Variants in ARHGAP6 observed in about 807,000 individuals in gnomAD.
The protein encoded by ARHGAP6 is rho GTPase-activating protein 6.
In ARHGAP6, 16 loss-of-function variants were observed where a neutral mutation model predicts 55.7. The observed-to-expected ratio is 0.29, with a 90% CI of 0.19 to 0.44. The LOEUF (loss-of-function observed/expected upper bound fraction) is 0.44. Among genes scored for constraint, ARHGAP6 ranks in the 20% least tolerant of loss-of-function variants. The probability of loss-of-function intolerance (pLI) is 1.00; values close to 1 mark genes in which losing one functional copy is unlikely to be tolerated. For missense variants in ARHGAP6, 698 were observed against 808.9 expected (o/e 0.86, Z 1.66); for synonymous variants, 382 against 360.9 (o/e 1.06, Z -0.66).
At chrX:11,221,001 G>C (rs1240251632) in intron 2 of ARHGAP6, among the ~76,000 whole-genome samples, 8 of 111,291 alleles carry the variant, frequency 7.2e-5, no homozygotes, top group African/African-American at 2.6e-4. Context: ...TGATAAAACA[G>C]ACTTTAAACC....
At position 11,560,238 on chromosome X, in the gene ARHGAP6, T is replaced by C. The variant is rs577409146; in HGVS notation, c.588+104003A>G. Among the ~76,000 whole-genome samples the C allele has an allele frequency of 2.6e-4, 29 of 111,805 alleles. 1 individual carries two copies. The highest frequency in any genetic ancestry group is 7.1e-4 in the African/African-American group (22 of 30,823). On this transcript the variant is annotated intron_variant, in intron 1 of 12. Transcript: ENST00000337414. ...CTATTTCAGTTACCCAAGTTGTCTGTTGTAACATGAAGGAAGCCACAGGTA... is the reference window on the plus strand; with the variant it reads ...CTATTTCAGTTACCCAAGTTGTCTGCTGTAACATGAAGGAAGCCACAGGTA...
At chrX:11,154,165 T>C (rs1055831778) in intron 10 of ARHGAP6, among the ~76,000 whole-genome samples, 1 of 111,860 alleles carries the variant, frequency 8.9e-6, no homozygotes, top group African/African-American at 3.3e-5. Flanking sequence ...TATGGCTGCA[T>C]AGTATTCCAT....
chrX:11,377,606 A>T (rs986177735), intron 1 of ARHGAP6, among the ~76,000 whole-genome samples: 1 of 112,255 alleles, frequency 8.9e-6, no homozygotes, highest in African/African-American at 3.2e-5. Context: ...AGATTATATC[A>T]ATTTCCTCAT....
intron 1 of ARHGAP6, among the ~76,000 whole-genome samples, chrX:11,543,564 A>G (rs180961525): frequency 3.8e-3 from 426 of 112,364 alleles, no homozygotes; most frequent in Non-Finnish European, 6.1e-3. Context: ...GAGAGACCCC[A>G]GTTTAGACAA....
intron 1 of ARHGAP6, among the ~76,000 whole-genome samples, chrX:11,419,435 C>T (rs2049793000): frequency 8.9e-6 from 1 of 112,275 alleles, no homozygotes; most frequent in Non-Finnish European, 1.9e-5. Flanking sequence ...TTTGCTCAGA[C>T]CATCGAAATG....
At chrX:11,262,648 C>T (rs139047482) in intron 1 of ARHGAP6, among the ~76,000 whole-genome samples, 313 of 111,336 alleles carry the variant, frequency 2.8e-3, no homozygotes, top group African/African-American at 9.4e-3. Flanking sequence ...TTGTTAAACA[C>T]GTAGGTTCCT....
chrX:11,354,283 CT>C (rs1569311382), intron 1 of ARHGAP6, among the ~76,000 whole-genome samples: 3 of 81,636 alleles, frequency 3.7e-5, no homozygotes, highest in African/African-American at 1.4e-4. Flanking sequence ...CTCTCTCTCT[CT>C]CTCTCTCTCT....
chrX:11,251,613 T>G (rs1176510222), intron 2 of ARHGAP6, among the ~76,000 whole-genome samples: 7 of 112,407 alleles, frequency 6.2e-5, no homozygotes, highest in Non-Finnish European at 1.3e-4. Flanking sequence ...TATGTGTCCA[T>G]TTTCATTGTA....
At chrX:11,513,244 G>A (rs2071981845) in intron 1 of ARHGAP6, among the ~76,000 whole-genome samples, 6 of 110,857 alleles carry the variant, frequency 5.4e-5, no homozygotes, top group Admixed American at 1.9e-4. Context: ...GAAATCTTAA[G>A]TAATCATTCC....
At chrX:11,441,243 A>G (rs2050036178) in intron 1 of ARHGAP6, among the ~76,000 whole-genome samples, 1 of 111,692 alleles carries the variant, frequency 9.0e-6, no homozygotes, top group South Asian at 3.8e-4. Context: ...TGTAGAGTTT[A>G]GGAGGCAGAA....
chrX:11,492,051 C>T (rs1461000267), intron 1 of ARHGAP6, among the ~76,000 whole-genome samples: 8 of 105,640 alleles, frequency 7.6e-5, no homozygotes, highest in Non-Finnish European at 9.6e-5. Context: ...ACCCAGTTTT[C>T]GATGGGGTTG....
At chrX:11,153,935 G>C (rs765288069) in intron 10 of ARHGAP6, among the ~76,000 whole-genome samples, 4 of 110,582 alleles carry the variant, frequency 3.6e-5, no homozygotes, top group African/African-American at 1.3e-4. Context: ...TTAGCATTAG[G>C]TATATCTCCT....
rs142129076 is a variant in ARHGAP6, at chrX:11,597,905, G to A, written c.588+66336C>T. ...TTAGACTTGATTCTAAGAGCAATGC[G>A]GAGCCATCAAAACATTTTTGCAGGG... On this transcript the variant is annotated intron_variant, in intron 1 of 12. Coordinates refer to ENST00000337414, the MANE Select transcript of ARHGAP6 (RefSeq NM_013427.3). Among the ~76,000 whole-genome samples, 1,005 of 112,019 alleles carry A rather than the reference G, an allele frequency of 9.0e-3. 8 individuals are homozygous for A. The highest frequency in any genetic ancestry group is 0.031 in the African/African-American group (965 of 30,811).
chrX:11,585,898 C>G (rs2051727697), intron 1 of ARHGAP6, among the ~76,000 whole-genome samples: 1 of 111,341 alleles, frequency 9.0e-6, no homozygotes, highest in East Asian at 2.8e-4. Context: ...TTGTCAGAGC[C>G]TATATGTCCA....
chrX:11,412,394 G>T (rs2049698333), intron 1 of ARHGAP6, among the ~76,000 whole-genome samples: 1 of 111,690 alleles, frequency 9.0e-6, no homozygotes, highest in Non-Finnish European at 1.9e-5. Context: ...CTGGACTACT[G>T]GTCTCCTTCA....
At chrX:11,176,939 T>A in intron 8 of ARHGAP6, among the ~76,000 whole-genome samples, 1 of 112,224 alleles carries the variant, frequency 8.9e-6, no homozygotes, top group Non-Finnish European at 1.9e-5. Context: ...AATGCAGAAT[T>A]GCCTTTCTGG....
At chrX:11,464,874 G>T (rs1052450367) in intron 1 of ARHGAP6, among the ~76,000 whole-genome samples, 1 of 112,230 alleles carries the variant, frequency 8.9e-6, no homozygotes, top group Non-Finnish European at 1.9e-5. Flanking sequence ...GCTACAAAGA[G>T]ACATAGTAAG....
chrX:11,333,034 C>T (rs1187767369), intron 1 of ARHGAP6, among the ~76,000 whole-genome samples: 1 of 111,956 alleles, frequency 8.9e-6, no homozygotes, highest in Admixed American at 9.5e-5. Flanking sequence ...AGGCAACATC[C>T]AGCAGGAGAC....
chrX:11,483,803 T>C (rs2050483622), intron 1 of ARHGAP6, among the ~76,000 whole-genome samples: 1 of 111,816 alleles, frequency 8.9e-6, no homozygotes, highest in African/African-American at 3.3e-5. Flanking sequence ...TTTGGGATCA[T>C]GAGCTGTAGG....
Sources: allele counts gnomAD v4.1 joint callset (sites outside exome capture counted in the v4.1 genomes callset), GRCh38; gene constraint gnomAD v4.1.1; transcripts MANE v1.5; gene names NCBI Gene and HGNC (gene_info 2026-07-23, HGNC 2026-07-21).